Variants in TLL1 observed in about 807,000 individuals in gnomAD.
TLL1 encodes the protein tolloid like 1, also known as tolloid-like protein 1.
In TLL1, 49 loss-of-function variants were observed where a neutral mutation model predicts 128.2. The observed-to-expected ratio is 0.38, with a 90% CI of 0.30 to 0.48. TLL1 has a LOEUF of 0.48. Ranked by LOEUF, TLL1 falls within the 20% of genes least tolerant of loss-of-function variation. TLL1 has a pLI of 0.96. For synonymous variants in TLL1, 454 were observed against 418.8 expected (o/e 1.08, Z -1.03); for missense variants, 1,123 against 1,242.0 (o/e 0.90, Z 1.44).
At chr4:166,053,386 T>C (rs1252510791) in intron 12 of TLL1, 3 of 152,104 alleles carry the variant, frequency 2.0e-5, no homozygotes, top group Non-Finnish European at 2.9e-5. Context: ...ATTTATTTTG[T>C]TTATTGTTGC....
rs1423808064 is a variant in TLL1, at chr4:166,047,274, C to T, written c.1524+3855C>T. Among the ~76,000 whole-genome samples, 3 of 151,592 alleles carry T rather than the reference C, an allele frequency of 2.0e-5. 1 individual carries two copies. The highest frequency in any genetic ancestry group is 2.4e-5 in the African/African-American group (1 of 41,348). ...CCACCTCCCAGGTTCAAGCGATTCT[C>T]CTGCCTCAGCCTCCCGAGTAGCTGG... On this transcript the variant is annotated intron_variant, in intron 12 of 20. Transcript: ENST00000061240.
At chr4:166,037,536 C>T (rs368962028) in intron 9 of TLL1, among the ~76,000 whole-genome samples, 9 of 152,234 alleles carry the variant, frequency 5.9e-5, no homozygotes, top group South Asian at 4.1e-4. Context: ...TGGCCAGGCA[C>T]GGTGGCTCAT....
intron 9 of TLL1, among the ~76,000 whole-genome samples, chr4:166,026,622 G>T (rs1442416325): frequency 6.6e-6 from 1 of 152,206 alleles, no homozygotes; most frequent in Non-Finnish European, 1.5e-5. Flanking sequence ...AGTAGGCGGA[G>T]GTTGCGGCGA....
At chr4:166,038,965 A>G (rs377755290) in intron 9 of TLL1, among the ~76,000 whole-genome samples, 3 of 152,330 alleles carry the variant, frequency 2.0e-5, no homozygotes, top group Admixed American at 6.5e-5. Context: ...TGAAAAAAAT[A>G]GAATTCTTCA....
At chr4:166,036,679 G>A (rs1392605200) in intron 9 of TLL1, among the ~76,000 whole-genome samples, 2 of 151,988 alleles carry the variant, frequency 1.3e-5, no homozygotes, top group African/African-American at 4.8e-5. Flanking sequence ...AGGACTCTGT[G>A]TTTTATGTTA....
At chr4:166,037,224 G>C (rs1300814243) in intron 9 of TLL1, among the ~76,000 whole-genome samples, 1 of 152,090 alleles carries the variant, frequency 6.6e-6, no homozygotes, top group East Asian at 1.9e-4. Flanking sequence ...GGAAAAACCA[G>C]GTATTATTTC....
chr4:165,909,598 G>C (rs1326652158), intron 1 of TLL1, among the ~76,000 whole-genome samples: 1 of 152,166 alleles, frequency 6.6e-6, no homozygotes, highest in Non-Finnish European at 1.5e-5. Context: ...GCTGAAGTGA[G>C]GCCACTGAAT....
chr4:166,062,189 G>A (rs937825798), intron 15 of TLL1, among the ~76,000 whole-genome samples: 9 of 152,166 alleles, frequency 5.9e-5, no homozygotes, highest in South Asian at 2.1e-4. Context: ...TAGGATTGTC[G>A]TGGAGATGTG....
At chr4:165,897,735 A>G (rs1265103105) in intron 1 of TLL1, among the ~76,000 whole-genome samples, 1 of 142,124 alleles carries the variant, frequency 7.0e-6, no homozygotes, top group Non-Finnish European at 1.5e-5. Flanking sequence ...TTCATATGAA[A>G]TTTAAAGTAG....
intron 1 of TLL1, among the ~76,000 whole-genome samples, chr4:165,916,092 A>T (rs1030378761): frequency 6.6e-6 from 1 of 152,178 alleles, no homozygotes; most frequent in African/African-American, 2.4e-5. Context: ...CTGTGGACAG[A>T]GGCATTTCCA....
At chr4:166,095,099 G>A (rs1242170344) in intron 19 of TLL1, among the ~76,000 whole-genome samples, 1 of 152,040 alleles carries the variant, frequency 6.6e-6, no homozygotes, top group Non-Finnish European at 1.5e-5. Flanking sequence ...GGCTATTTTT[G>A]ATGGATCCTT....
At chr4:165,930,224 AG>A (rs1733452408) in intron 1 of TLL1, among the ~76,000 whole-genome samples, 1 of 152,098 alleles carries the variant, frequency 6.6e-6, no homozygotes, top group Non-Finnish European at 1.5e-5. Flanking sequence ...TGGTGAGAGG[AG>A]GGGGAGGTAT....
rs80290163 is a variant in TLL1 at position 166,074,141 on chromosome 4, C to T, written c.2189-737C>T. ...AATTTGTTGGCTATTTCTTGGGGCT[C>T]GTATTTCCTAGTCTAATCTTTACCT... On this transcript the variant is annotated intron_variant, in intron 16 of 20. Transcript: ENST00000061240. 4.6e-3 allele frequency among the ~76,000 whole-genome samples: 694 copies of T among 152,022 alleles called. 6 individuals carry two copies. The highest frequency in any genetic ancestry group is 0.016 in the African/African-American group (663 of 41,482).
chr4:165,979,222 T>C (rs1349988262), intron 1 of TLL1, among the ~76,000 whole-genome samples: 1 of 152,156 alleles, frequency 6.6e-6, no homozygotes, highest in Non-Finnish European at 1.5e-5. Context: ...GTGCAATACA[T>C]GGTGTTTACT....
At chr4:166,057,115 C>A in intron 13 of TLL1, 69 bp from the exon 14 acceptor site, 2 of 1,590,242 alleles carry the variant, frequency 1.3e-6, no homozygotes, top group South Asian at 1.1e-5. Flanking sequence ...GGGGACACAG[C>A]CAAACCATTT....
chr4:166,099,626 C>CAAAA (rs34057891), intron 20 of TLL1, 99 bp downstream of exon 20: 22 of 964,048 alleles, frequency 2.3e-5, no homozygotes, highest in South Asian at 3.2e-5. Context: ...ATGCTTTTTG[C>CAAAA]AAAAAAAAAA....
intron 8 of TLL1, among the ~76,000 whole-genome samples, chr4:166,018,509 A>G (rs1487953455): frequency 1.3e-5 from 2 of 152,104 alleles, no homozygotes; most frequent in South Asian, 4.1e-4. Context: ...TCAACAAAGC[A>G]AACAGACAAC....
chr4:166,002,879 C>T lies in TLL1; in HGVS notation c.633-512C>T, dbSNP rs139201993. On this transcript the variant is annotated intron_variant, in intron 5 of 20. Transcript: ENST00000061240. ...GATAAATAAGTTTAACTCTCTTTTT[C>T]TCAAAGAGGAAAAATAAACTTTCTT... Among the ~76,000 whole-genome samples the T allele has an allele frequency of 5.7e-3, 872 of 152,150 alleles. 7 individuals carry two copies. Among genetic ancestry groups the T allele is most frequent in the Middle Eastern group, 0.024 (7 of 294 alleles).
At chr4:165,914,650 C>T (rs1732699251) in intron 1 of TLL1, among the ~76,000 whole-genome samples, 1 of 152,182 alleles carries the variant, frequency 6.6e-6, no homozygotes, top group Non-Finnish European at 1.5e-5. Context: ...TGATGAGTTC[C>T]TCTTGCACCC....
Sources: gnomAD v4.1 joint callset for allele counts (sites outside exome capture counted in the v4.1 genomes callset) on GRCh38, gnomAD v4.1.1 for gene constraint, MANE v1.5 for transcripts, NCBI Gene and HGNC (gene_info 2026-07-23, HGNC 2026-07-21) for gene names.